Variants in DLAT observed in about 807,000 individuals in gnomAD.
DLAT encodes the protein dihydrolipoamide S-acetyltransferase, also known as dihydrolipoyllysine-residue acetyltransferase component of pyruvate dehydrogenase complex, mitochondrial.
DLAT carries 43 observed loss-of-function variants against 68.0 expected under a neutral mutation model. The observed-to-expected ratio is 0.63, with a 90% CI of 0.50 to 0.81. DLAT has a LOEUF of 0.81. DLAT is among the 40% of genes least tolerant of loss of function. The pLI is 0.00. For synonymous variants in DLAT, 265 were observed against 288.6 expected (o/e 0.92, Z 0.83); for missense variants, 745 against 815.4 (o/e 0.91, Z 1.05).
Position 112,063,532 on chromosome 11 carries a change from A to C in DLAT, c.*997A>C, listed in dbSNP as rs1353730479. On this transcript the variant is annotated 3_prime_UTR_variant, in exon 14 of 14. Coordinates refer to ENST00000280346, the MANE Select transcript of DLAT (RefSeq NM_001931.5). ...TCTGAAAAGGAGGGGTACATTGGTA[A>C]ACATTTTGGAGTGCTTAAAAATGCC... 7 of 152,606 alleles carry C rather than the reference A, an allele frequency of 4.6e-5. No homozygotes were observed. The highest frequency in any genetic ancestry group is 1.7e-4 in the African/African-American group (7 of 41,460). The allele number at this position is 152,606 out of a possible 1,614,324, so 9.5% of individuals were successfully genotyped here. A position where few individuals can be genotyped will look rare whatever the true frequency, so the allele number is the denominator to read the frequency against.
chr11:112,060,091 A>ATTATG, intron 12 of DLAT, 26 bp downstream of exon 12: 1 of 1,601,770 alleles, frequency 6.2e-7, no homozygotes, highest in Non-Finnish European at 8.5e-7. Flanking sequence ...TTGCTTTCTA[A>ATTATG]TTATGTTATT....
Position 112,028,626 on chromosome 11 carries a change from A to G in DLAT, c.493A>G (p.Ile165Val). 6.2e-7 allele frequency: 1 copy of G among 1,614,150 alleles called. No homozygotes were observed. The highest frequency in any genetic ancestry group is 8.5e-7 in the Non-Finnish European group (1 of 1,180,024). Reference protein sequence around the residue: ...RDVPIGAIICITVGKPEDIEA... With the variant: ...RDVPIGAIICVTVGKPEDIEA... ...TGTTCCCATCGGAGCGATCATCTGT[A>G]TCACAGTTGGCAAGTGAGTAGTGCG... The change falls in exon 3 of 14, where the codon ATC becomes GTC. Residue 165 changes from isoleucine (I) to valine (V), a missense_variant. Transcript: ENST00000280346.
rs1173552280 is a variant in DLAT at position 112,064,023 on chromosome 11, G to C, written c.*1488G>C. 1.5e-6 allele frequency: 1 copy of C among 682,794 alleles called. No homozygotes were observed. Among genetic ancestry groups the C allele is most frequent in the African/African-American group, 1.8e-5 (1 of 55,086 alleles). The allele number at this position is 682,794 out of a possible 1,614,324, so 42.3% of individuals were successfully genotyped here. A position where few individuals can be genotyped will look rare whatever the true frequency, so the allele number is the denominator to read the frequency against. On this transcript the variant is annotated 3_prime_UTR_variant, in exon 14 of 14. Transcript: ENST00000280346. ...AGTGACACTCCATATATTCCACACA[G>C]ACTTTTACCTTGCTGTATTATTATG...
intron 7 of DLAT, among the ~76,000 whole-genome samples, chr11:112,040,586 A>G (rs1182057311): frequency 6.6e-6 from 1 of 152,168 alleles, no homozygotes; most frequent in Non-Finnish European, 1.5e-5. Flanking sequence ...GCAATTTGCT[A>G]TCTTGTAGTT....
At position 112,062,436 on chromosome 11, in the gene DLAT, A is replaced by G. The variant is rs782574521; in HGVS notation, c.1845A>G (p.Thr615=). 2 of 1,612,656 alleles carry G rather than the reference A, an allele frequency of 1.2e-6. No individual in the cohort carries two copies. Among genetic ancestry groups the G allele is most frequent in the South Asian group, 1.1e-5 (1 of 91,010 alleles). ...ATGTGGCTAGCATGATGTCTGTTAC[A>G]CTCAGTTGTGATCACCGGGTGGTGG... ...GFDVASMMSV[T]LSCDHRVVDG... The change falls in exon 14 of 14, where the codon ACA becomes ACG. Residue 615 remains threonine (T), a synonymous_variant. Coordinates refer to ENST00000280346, the MANE Select transcript of DLAT (RefSeq NM_001931.5).
intron 8 of DLAT, 97 bp from the exon 9 acceptor site, chr11:112,045,041 C>CAAAAAA: frequency 1.3e-6 from 1 of 789,252 alleles, no homozygotes; most frequent in Non-Finnish European, 2.1e-6. Context: ...TCTCAAAAGA[C>CAAAAAA]AAAAAAAAAA....
chr11:112,043,115 G>A (rs1451093775), intron 7 of DLAT, among the ~76,000 whole-genome samples: 10 of 152,090 alleles, frequency 6.6e-5, no homozygotes, highest in African/African-American at 2.2e-4. Flanking sequence ...AACTGTGCTC[G>A]GCATTATCCT....
chr11:112,044,153 ATT>A (rs1863188656), intron 8 of DLAT, among the ~76,000 whole-genome samples: 1 of 152,164 alleles, frequency 6.6e-6, no homozygotes, highest in Non-Finnish European at 1.5e-5. Context: ...TTTTCAAAAT[ATT>A]TTAAAGTACA....
chr11:112,057,299 C>CT (rs1439383508), intron 11 of DLAT, among the ~76,000 whole-genome samples: 2 of 152,190 alleles, frequency 1.3e-5, no homozygotes, highest in African/African-American at 2.4e-5. Flanking sequence ...ACAATGGCCT[C>CT]TGAGTGTTTC....
At chr11:112,036,211 T>G (rs1411640791) in intron 5 of DLAT, among the ~76,000 whole-genome samples, 172 of 51,158 alleles carry the variant, frequency 3.4e-3, no homozygotes, top group African/African-American at 8.3e-3. Flanking sequence ...GTTTTTTTTT[T>G]TTTTTTTTTT....
In DLAT at chr11:112,033,390, G is replaced by A; in HGVS notation, c.661-14G>A. 1 of 1,612,558 alleles carries A rather than the reference G, an allele frequency of 6.2e-7. No homozygotes were observed. The highest frequency in any genetic ancestry group is 8.5e-7 in the Non-Finnish European group (1 of 1,179,140). ...TTCCTGGTATTAAGCAATAATATGT[G>A]TTTGTTTCTGCAGGTACTTCTTCCT... is the stretch of plus-strand genomic sequence containing the variant. On this transcript the variant is annotated splice_polypyrimidine_tract_variant and intron_variant, in intron 4 of 13. Transcript: ENST00000280346.
chr11:112,060,307 C>T (rs1761698006), intron 12 of DLAT, among the ~76,000 whole-genome samples: 1 of 151,424 alleles, frequency 6.6e-6, no homozygotes, highest in African/African-American at 2.4e-5. Flanking sequence ...ACTACAGGCA[C>T]CTGCCACCAC....
intron 11 of DLAT, among the ~76,000 whole-genome samples, chr11:112,054,349 T>A (rs992767398): frequency 2.0e-4 from 30 of 151,950 alleles, no homozygotes; most frequent in African/African-American, 6.8e-4. Context: ...TAAATATAAA[T>A]CTATATTTGG....
At chr11:112,027,183 C>T (rs1377847504) in intron 2 of DLAT, among the ~76,000 whole-genome samples, 41 of 147,530 alleles carry the variant, frequency 2.8e-4, no homozygotes, top group African/African-American at 7.8e-4. Flanking sequence ...ACTTCTCAGA[C>T]GGGGCGGTTG....
rs782140871 is a variant in DLAT at position 112,025,615 on chromosome 11, T to G, written c.143T>G (p.Val48Gly). 1 of 1,613,910 alleles carries G rather than the reference T, an allele frequency of 6.2e-7. No homozygotes were observed. The highest frequency in any genetic ancestry group is 2.2e-5 in the East Asian group (1 of 44,872). Residue 48 changes from valine to glycine, a missense_variant, in exon 1 of 14, where the codon GTG becomes GGG. By Grantham distance (109) the Val-to-Gly change is moderately radical. Coordinates refer to ENST00000280346, the MANE Select transcript of DLAT (RefSeq NM_001931.5). The stretch of plus-strand genomic sequence containing the variant: ...CCGGCTCCCGCTCGTCGCAACAGCG[T>G]GACTACAGGGTATGGCGGGGTCCGG... ...SGPAPARRNS[V>G]TTGYGGVRAL...
Position 112,062,451 on chromosome 11 carries a change from C to G in DLAT, c.1860C>G (p.His620Gln), listed in dbSNP as rs782349506. 6.2e-7 allele frequency: 1 copy of G among 1,612,722 alleles called. No individual in the cohort carries two copies. Among genetic ancestry groups the G allele is most frequent in the Non-Finnish European group, 8.5e-7 (1 of 1,179,984 alleles). Residue 620 changes from histidine (H) to glutamine (Q), a missense_variant, in exon 14 of 14, where the codon CAC (histidine) becomes CAG (glutamine). His to Gln is a conservative substitution (Grantham distance 24, BLOSUM62 0). Transcript: ENST00000280346. Reference sequence around the variant, plus strand: ...TGTCTGTTACACTCAGTTGTGATCACCGGGTGGTGGATGGAGCAGTTGGAG... The same window carrying G: ...TGTCTGTTACACTCAGTTGTGATCAGCGGGTGGTGGATGGAGCAGTTGGAG... Reference protein sequence around the residue: ...SMMSVTLSCDHRVVDGAVGAQ... With the variant: ...SMMSVTLSCDQRVVDGAVGAQ...
In DLAT at chr11:112,028,549, G is replaced by C; in HGVS notation, c.416G>C (p.Ser139Thr). Reference sequence around the variant, plus strand: ...GATAAAGCCACTGTTGGATTTGAGAGCCTGGAGGAGTGTTATATGGCAAAG... The same window carrying C: ...GATAAAGCCACTGTTGGATTTGAGACCCTGGAGGAGTGTTATATGGCAAAG... The part of the protein sequence containing the change: ...ETDKATVGFE[S>T]LEECYMAKIL... Residue 139 changes from serine to threonine, a missense_variant, in exon 3 of 14, where the codon AGC (serine) becomes ACC (threonine). Transcript: ENST00000280346. 1 of 1,614,128 alleles carries C rather than the reference G, an allele frequency of 6.2e-7. No individual in the cohort carries two copies. The highest frequency in any genetic ancestry group is 2.2e-5 in the East Asian group (1 of 44,890).
Position 112,059,952 on chromosome 11 carries a change from A to G in DLAT, c.1564A>G (p.Ile522Val). Reference protein sequence around the residue: ...SVAVSTPAGLITPIVFNAHIK... With the variant: ...SVAVSTPAGLVTPIVFNAHIK... ...TGCGGTCAGTACTCCTGCAGGACTCATCACACCTATTGTGTTTAATGCACA... is the reference window on the plus strand; with the variant it reads ...TGCGGTCAGTACTCCTGCAGGACTCGTCACACCTATTGTGTTTAATGCACA... The change falls in exon 12 of 14, where the codon ATC becomes GTC. Residue 522 changes from isoleucine (I) to valine (V), a missense_variant. Physicochemically the swap from Ile to Val is conservative, Grantham distance 29. Transcript: ENST00000280346. The G allele has an allele frequency of 6.2e-7, 1 of 1,613,844 alleles. No homozygotes were observed. Among genetic ancestry groups the G allele is most frequent in the Non-Finnish European group, 8.5e-7 (1 of 1,179,820 alleles).
In DLAT at chr11:112,045,236, A is replaced by G. The variant is rs1863246794; in HGVS notation, c.1290+6A>G. ...CAATCAGCAACATTCGTCGGGTAAG[A>G]GAATTACCATCATCTGGAATCAGCT... is the stretch of plus-strand genomic sequence containing the variant. On this transcript the variant is annotated splice_donor_region_variant and intron_variant, in intron 9 of 13. Coordinates refer to ENST00000280346, the MANE Select transcript of DLAT (RefSeq NM_001931.5). 6.2e-7 allele frequency: 1 copy of G among 1,608,006 alleles called. No homozygotes were observed. Among genetic ancestry groups the G allele is most frequent in the Non-Finnish European group, 8.5e-7 (1 of 1,175,348 alleles).
Sources: gnomAD v4.1 joint callset for allele counts (sites outside exome capture counted in the v4.1 genomes callset) on GRCh38, gnomAD v4.1.1 for gene constraint, MANE v1.5 for transcripts, NCBI Gene and HGNC (gene_info 2026-07-23, HGNC 2026-07-21) for gene names.